Variants in UBE4B observed in about 807,000 individuals in gnomAD.
The protein encoded by UBE4B is ubiquitination factor E4B, also known as ubiquitin conjugation factor E4 B.
In UBE4B, 27 loss-of-function variants were observed where a neutral mutation model predicts 148.1. The ratio of observed to expected loss-of-function variants is 0.18; its 90% CI spans 0.13 to 0.25. The LOEUF (loss-of-function observed/expected upper bound fraction) is 0.25, where lower values mean the gene tolerates loss of function less well. Ranked by LOEUF, UBE4B falls within the 10% of genes least tolerant of loss-of-function variation. The pLI, the probability that UBE4B is intolerant of heterozygous loss-of-function variation, is 1.00. For missense variants in UBE4B, 1,170 were observed against 1,662.4 expected, an observed-to-expected ratio of 0.70 and a Z score of 5.15; for synonymous variants, 596 against 619.3, an observed-to-expected ratio of 0.96 and a Z score of 0.56.
intron 17 of UBE4B, 98 bp from the exon 18 acceptor site, chr1:10,144,838 AAAAC>A (rs1645842876): frequency 9.1e-6 from 7 of 766,054 alleles, no homozygotes; most frequent in South Asian, 6.1e-5. Context: ...TTACAATGCG[AAAAC>A]AAACAACTGC....
At chr1:10,092,368 G>C (rs186492230) in intron 2 of UBE4B, among the ~76,000 whole-genome samples, 3 of 152,166 alleles carry the variant, frequency 2.0e-5, no homozygotes, top group Non-Finnish European at 4.4e-5. Context: ...GGGACTACAG[G>C]TGCATGCCGC....
intron 1 of UBE4B, among the ~76,000 whole-genome samples, chr1:10,057,951 C>G (rs1205838641): frequency 6.6e-6 from 1 of 152,050 alleles, no homozygotes; most frequent in Non-Finnish European, 1.5e-5. Flanking sequence ...GGAGAAGGAA[C>G]AGCTGGACTG....
chr1:10,094,391 T>A (rs996386065), intron 2 of UBE4B, among the ~76,000 whole-genome samples: 1 of 152,126 alleles, frequency 6.6e-6, no homozygotes, highest in Non-Finnish European at 1.5e-5. Flanking sequence ...GAGAGAATTT[T>A]GCAGGGAACA....
In UBE4B at chr1:10,033,005, G is replaced by T. The variant is rs1054162545; in HGVS notation, c.-666G>T. On this transcript the variant is annotated 5_prime_UTR_variant, in exon 1 of 28. Coordinates refer to ENST00000343090, the MANE Select transcript of UBE4B (RefSeq NM_001105562.3). ...GTTGTTTTGATGAATAATACTTGGT[G>T]GGGCGAGGGGGAAAGAGTAGGGGTG... is the stretch of plus-strand genomic sequence containing the variant. 1 of 152,282 alleles carries T rather than the reference G, an allele frequency of 6.6e-6. No homozygotes were observed. The highest frequency in any genetic ancestry group is 1.5e-5 in the Non-Finnish European group (1 of 68,076). 9.4% of individuals were successfully genotyped at this position (152,282 alleles called of 1,614,324 possible). A position where few individuals can be genotyped will look rare whatever the true frequency, so the allele number is the denominator to read the frequency against.
At chr1:10,159,796 A>C (rs1335987089) in intron 22 of UBE4B, among the ~76,000 whole-genome samples, 1 of 152,256 alleles carries the variant, frequency 6.6e-6, no homozygotes, top group Non-Finnish European at 1.5e-5. Flanking sequence ...TTACTAGTCA[A>C]TAATATACAA....
intron 23 of UBE4B, among the ~76,000 whole-genome samples, chr1:10,163,667 CAAAT>C (rs1646203022): frequency 6.6e-6 from 1 of 151,802 alleles, no homozygotes; most frequent in Admixed American, 6.6e-5. Context: ...GACTCCGTCT[CAAAT>C]AAATAAATAA....
At chr1:10,098,458 A>G (rs968696788) in intron 3 of UBE4B, among the ~76,000 whole-genome samples, 3 of 152,144 alleles carry the variant, frequency 2.0e-5, no homozygotes, top group Admixed American at 6.6e-5. Context: ...AGAATTTCCC[A>G]TTCTCTTTTA....
chr1:10,171,430 GGTT>G (rs1646336954), intron 25 of UBE4B, 101 bp downstream of exon 25: 2 of 1,409,550 alleles, frequency 1.4e-6, no homozygotes, highest in Non-Finnish European at 1.9e-6. Context: ...AAGATGAGTG[GGTT>G]GTTTTCCTTT....
intron 1 of UBE4B, among the ~76,000 whole-genome samples, chr1:10,043,761 C>G (rs753329446): frequency 2.6e-5 from 4 of 152,106 alleles, no homozygotes; most frequent in Admixed American, 6.6e-5. Flanking sequence ...GTGTAATCAC[C>G]GTTGGCCAGG....
chr1:10,157,709 A>G (rs974210545), intron 21 of UBE4B, among the ~76,000 whole-genome samples: 1 of 152,116 alleles, frequency 6.6e-6, no homozygotes, highest in Non-Finnish European at 1.5e-5. Context: ...ACCCCGAGGC[A>G]GAGGTTGCAG....
chr1:10,124,090 G>A (rs965030260), intron 10 of UBE4B, among the ~76,000 whole-genome samples: 2 of 152,122 alleles, frequency 1.3e-5, no homozygotes, highest in Non-Finnish European at 2.9e-5. Flanking sequence ...CCATCATTTT[G>A]AAGTGTACAA....
At chr1:10,080,315 G>T (rs1644656453) in intron 2 of UBE4B, among the ~76,000 whole-genome samples, 1 of 151,820 alleles carries the variant, frequency 6.6e-6, no homozygotes, top group South Asian at 2.1e-4. Context: ...AGCTACTCTG[G>T]AAGCTGAGGC....
At chr1:10,144,332 A>G (rs1645832838) in intron 17 of UBE4B, among the ~76,000 whole-genome samples, 1 of 152,184 alleles carries the variant, frequency 6.6e-6, no homozygotes, top group African/African-American at 2.4e-5. Context: ...TTTCCCTCCC[A>G]GAAAAATAAG....
At chr1:10,094,635 C>T (rs564441984) in intron 2 of UBE4B, among the ~76,000 whole-genome samples, 3 of 151,654 alleles carry the variant, frequency 2.0e-5, no homozygotes, top group Non-Finnish European at 2.9e-5. Context: ...GGGGTTTCAC[C>T]ATGTTAGCCA....
At position 10,180,310 on chromosome 1, in the gene UBE4B, C is replaced by T. The variant is rs1646488176; in HGVS notation, c.*354C>T. 1 of 219,478 alleles carries T rather than the reference C, an allele frequency of 4.6e-6. No individual in the cohort carries two copies. Among genetic ancestry groups the T allele is most frequent in the Admixed American group, 5.6e-5 (1 of 17,882 alleles). The allele number at this position is 219,478 out of a possible 1,614,324, so 13.6% of individuals were successfully genotyped here. Reference sequence around the variant, plus strand: ...TCCCTTCATGAATTTTTTTTTAATCCAATATCCGTTGATTTGATTGTGATT... The same window carrying T: ...TCCCTTCATGAATTTTTTTTTAATCTAATATCCGTTGATTTGATTGTGATT... On this transcript the variant is annotated 3_prime_UTR_variant, in exon 28 of 28. Coordinates refer to ENST00000343090, the MANE Select transcript of UBE4B (RefSeq NM_001105562.3).
chr1:10,115,850 C>T (rs774939638), intron 7 of UBE4B, among the ~76,000 whole-genome samples: 14 of 152,254 alleles, frequency 9.2e-5, no homozygotes, highest in Non-Finnish European at 1.6e-4. Flanking sequence ...CAATTAGATG[C>T]TTATGCCAAT....
At chr1:10,105,379 C>T (rs1645088644) in intron 5 of UBE4B, 137 bp from the exon 6 acceptor site, 3 of 691,286 alleles carry the variant, frequency 4.3e-6, no homozygotes, top group African/African-American at 3.6e-5. Flanking sequence ...AGGTTTTCCA[C>T]TAATATCCTT....
In UBE4B at chr1:10,171,326, C is replaced by A; in HGVS notation, c.3522C>A (p.Asp1174Glu). 6.2e-7 allele frequency: 1 copy of A among 1,613,298 alleles called. No homozygotes were observed. The highest frequency in any genetic ancestry group is 8.5e-7 in the Non-Finnish European group (1 of 1,179,566). ...CARFAKAIAD[D>E]QRSYSKELFE... ...GGTTCGCGAAAGCCATTGCTGACGA[C>A]CAGGTCAGTGAGTTGAGTTGGTCTC... The change falls in exon 25 of 28, where the codon GAC (aspartate) becomes GAA (glutamate). Residue 1174 changes from aspartate to glutamate, a missense_variant. Around this residue, in one of 6 missense-constraint regions of UBE4B, gnomAD observed 348 missense variants for 627.2 expected, o/e 0.55. Coordinates refer to ENST00000343090, the MANE Select transcript of UBE4B (RefSeq NM_001105562.3).
intron 15 of UBE4B, 133 bp from the exon 16 acceptor site, chr1:10,134,855 C>A (rs1448833626): frequency 1.3e-5 from 9 of 700,186 alleles, no homozygotes; most frequent in Non-Finnish European, 2.1e-5. Context: ...GGGAGGATTG[C>A]TTGAGCCTGG....
Sources: allele counts gnomAD v4.1 joint callset (sites outside exome capture counted in the v4.1 genomes callset), GRCh38; gene constraint gnomAD v4.1.1; regional missense constraint gnomAD v4.1.1; transcripts MANE v1.5; gene names NCBI Gene and HGNC (gene_info 2026-07-23, HGNC 2026-07-21).